Variants in STARD13 observed in about 807,000 individuals in gnomAD.
The protein encoded by STARD13 is stAR-related lipid transfer protein 13.
A neutral mutation model predicts 106.4 loss-of-function variants in STARD13; 62 were observed. That is an observed-to-expected ratio of 0.58 (90% confidence interval 0.48 to 0.72). The LOEUF (loss-of-function observed/expected upper bound fraction) is 0.72. STARD13 is among the 30% of genes least tolerant of loss of function. The pLI, the probability that STARD13 is intolerant of heterozygous loss-of-function variation, is 0.00. For missense variants in STARD13, 1,387 were observed against 1,424.0 expected (o/e 0.97, Z 0.42); for synonymous variants, 565 against 553.0 (o/e 1.02, Z -0.31).
intron 1 of STARD13, among the ~76,000 whole-genome samples, chr13:33,173,669 G>A (rs768616982): frequency 6.6e-6 from 1 of 152,096 alleles, no homozygotes; most frequent in Admixed American, 6.5e-5. Flanking sequence ...AAGTTACTAA[G>A]AGGAACTAAA....
chr13:33,369,536 T>C, the STARD13 span, among the ~76,000 whole-genome samples: 1 of 152,212 alleles, frequency 6.6e-6, no homozygotes, highest in Admixed American at 6.5e-5. Flanking sequence ...GCAAAGTTAA[T>C]GGTGTGGAAA....
At chr13:33,481,849 G>C in the STARD13 span, among the ~76,000 whole-genome samples, 2 of 106,778 alleles carry the variant, frequency 1.9e-5, no homozygotes, top group East Asian at 2.4e-4. Flanking sequence ...CGTGGTGGTG[G>C]CGGGCGCCTG....
chr13:33,342,239 C>T (rs1355071386), intron 1 of STARD13, among the ~76,000 whole-genome samples: 1 of 152,184 alleles, frequency 6.6e-6, no homozygotes, highest in Non-Finnish European at 1.5e-5. Context: ...CACAGCCTTT[C>T]CTAAGAGCTA....
the STARD13 span, among the ~76,000 whole-genome samples, chr13:33,438,293 C>T: frequency 0.066 from 9,995 of 152,186 alleles, 738 homozygotes; most frequent in African/African-American, 0.19. Context: ...ATTTCTGAAG[C>T]GAAACACGTT....
chr13:33,493,321 C>T, the STARD13 span, among the ~76,000 whole-genome samples: 1 of 152,170 alleles, frequency 6.6e-6, no homozygotes, highest in African/African-American at 2.4e-5. Context: ...ACTATCCCAA[C>T]CCCTCCAAAG....
intron 1 of STARD13, among the ~76,000 whole-genome samples, chr13:33,219,560 A>G (rs895720650): frequency 7.0e-6 from 1 of 142,020 alleles, no homozygotes; most frequent in African/African-American, 2.6e-5. Context: ...GGTCAGGTGC[A>G]GTGGCTCACA....
chr13:33,482,208 C>T, the STARD13 span, among the ~76,000 whole-genome samples: 8 of 152,056 alleles, frequency 5.3e-5, no homozygotes, highest in Non-Finnish European at 1.2e-4. Context: ...GGTGGACGTG[C>T]AGATCAAACA....
At chr13:33,386,984 G>C in the STARD13 span, among the ~76,000 whole-genome samples, 1 of 152,086 alleles carries the variant, frequency 6.6e-6, no homozygotes, top group Non-Finnish European at 1.5e-5. Flanking sequence ...TGGTTTGGTT[G>C]GGTTGACAGG....
chr13:33,419,336 C>T, the STARD13 span, among the ~76,000 whole-genome samples: 12 of 151,884 alleles, frequency 7.9e-5, no homozygotes, highest in South Asian at 1.9e-3. Context: ...ACTTCAATAG[C>T]CGATTCAATC....
the STARD13 span, among the ~76,000 whole-genome samples, chr13:33,565,820 C>T: frequency 8.1e-5 from 12 of 148,616 alleles, no homozygotes; most frequent in South Asian, 2.6e-3. Flanking sequence ...TAATGAACAC[C>T]TTCCTACTTA....
At chr13:33,533,981 C>T in the STARD13 span, among the ~76,000 whole-genome samples, 1 of 152,164 alleles carries the variant, frequency 6.6e-6, no homozygotes, top group African/African-American at 2.4e-5. Context: ...CTTATACTTA[C>T]TTTATGTTCA....
At chr13:33,521,124 T>C in the STARD13 span, among the ~76,000 whole-genome samples, 1 of 152,248 alleles carries the variant, frequency 6.6e-6, no homozygotes, top group South Asian at 2.1e-4. Context: ...TCAGTATTTG[T>C]CAGGAACTGA....
At chr13:33,305,076 G>A (rs1892856145) in intron 1 of STARD13, among the ~76,000 whole-genome samples, 1 of 152,202 alleles carries the variant, frequency 6.6e-6, no homozygotes, top group Admixed American at 6.5e-5. Context: ...TGTTGTTGTA[G>A]AGATGAGGTC....
At chr13:33,325,746 G>A (rs1256272831) in intron 1 of STARD13, among the ~76,000 whole-genome samples, 1 of 152,110 alleles carries the variant, frequency 6.6e-6, no homozygotes. Context: ...TGTAATCCCA[G>A]CACTTGGGGA....
chr13:33,112,786 G>A lies in STARD13; in HGVS notation c.2427C>T (p.Asn809=). The change falls in exon 9 of 14, where the codon AAC becomes AAT. Residue 809 remains asparagine, a synonymous_variant. Coordinates refer to ENST00000336934, the MANE Select transcript of STARD13 (RefSeq NM_178006.4). The part of the protein sequence containing the change: ...LVEENQMTPM[N]LAVCLAPSLF... ...GGGAGGGGGCCAGACACACTGCCAGGTTCATGGGCGTCATCTGATTCTCTT... is the reference window on the plus strand; with the variant it reads ...GGGAGGGGGCCAGACACACTGCCAGATTCATGGGCGTCATCTGATTCTCTT... 3 of 1,613,818 alleles carry A rather than the reference G, an allele frequency of 1.9e-6. No homozygotes were observed. The highest frequency in any genetic ancestry group is 2.5e-6 in the Non-Finnish European group (3 of 1,179,864).
intron 13 of STARD13, among the ~76,000 whole-genome samples, chr13:33,106,303 C>G (rs1379041936): frequency 6.6e-6 from 1 of 152,164 alleles, no homozygotes; most frequent in Non-Finnish European, 1.5e-5. Flanking sequence ...CAGCTGTAGT[C>G]CCAGCTACTG....
At chr13:33,639,729 C>T in the STARD13 span, among the ~76,000 whole-genome samples, 1 of 152,238 alleles carries the variant, frequency 6.6e-6, no homozygotes, top group Admixed American at 6.5e-5. Context: ...ACTGTTCAAA[C>T]TTCATTCAAA....
the STARD13 span, among the ~76,000 whole-genome samples, chr13:33,444,589 G>T: frequency 6.6e-6 from 1 of 152,048 alleles, no homozygotes; most frequent in Non-Finnish European, 1.5e-5. Context: ...AACATGAGGA[G>T]ATCCTGTCTC....
intron 1 of STARD13, among the ~76,000 whole-genome samples, chr13:33,230,003 T>C (rs561469234): frequency 1.3e-5 from 2 of 152,230 alleles, no homozygotes; most frequent in Admixed American, 6.5e-5. Context: ...GGCTGCTCCA[T>C]TGGAGAGAAG....
Sources: allele counts gnomAD v4.1 joint callset (sites outside exome capture counted in the v4.1 genomes callset), GRCh38; gene constraint gnomAD v4.1.1; transcripts MANE v1.5; gene names NCBI Gene and HGNC (gene_info 2026-07-23, HGNC 2026-07-21).